NALCN: variants seen among roughly 807,000 people sequenced by gnomAD.
The protein encoded by NALCN is sodium leak channel, non-selective, also known as sodium leak channel NALCN.
A neutral mutation model predicts 225.3 loss-of-function variants in NALCN; 111 were observed. The observed-to-expected ratio is 0.49, with a 90% CI of 0.42 to 0.58. The LOEUF is 0.58. Among genes scored for constraint, NALCN ranks in the 20% least tolerant of loss-of-function variants. The pLI is 0.00. For synonymous variants in NALCN, 764 were observed against 769.0 expected (o/e 0.99, Z 0.11); for missense variants, 1,378 against 2,202.4 (o/e 0.63, Z 7.49).
At chr13:101,206,680 T>C (rs1234169131) in intron 13 of NALCN, among the ~76,000 whole-genome samples, 1 of 151,250 alleles carries the variant, frequency 6.6e-6, no homozygotes, top group Non-Finnish European at 1.5e-5. Context: ...AATCTCAAAA[T>C]ACCAAAATAT....
intron 10 of NALCN, among the ~76,000 whole-genome samples, chr13:101,269,897 G>A (rs375215228): frequency 1.8e-4 from 27 of 152,146 alleles, no homozygotes; most frequent in Admixed American, 8.5e-4. Context: ...GCTTTTCAAC[G>A]GTGAAGTGTT....
At chr13:101,409,046 A>T (rs1201527331) in intron 1 of NALCN, among the ~76,000 whole-genome samples, 1 of 152,134 alleles carries the variant, frequency 6.6e-6, no homozygotes, top group Non-Finnish European at 1.5e-5. Context: ...TTACTTCTCC[A>T]AGGATTCTGT....
At chr13:101,270,235 T>G (rs2042731767) in intron 10 of NALCN, among the ~76,000 whole-genome samples, 1 of 152,236 alleles carries the variant, frequency 6.6e-6, no homozygotes, top group Admixed American at 6.5e-5. Context: ...ATCTTTGTCT[T>G]CATGGGTAAG....
chr13:101,250,278 T>G (rs1367883511), intron 11 of NALCN, among the ~76,000 whole-genome samples: 2 of 152,044 alleles, frequency 1.3e-5, no homozygotes, highest in Non-Finnish European at 2.9e-5. Flanking sequence ...AATTAAATTT[T>G]CATAATGTAG....
chr13:101,309,326 A>C (rs1301134203), intron 7 of NALCN, among the ~76,000 whole-genome samples: 2 of 152,244 alleles, frequency 1.3e-5, no homozygotes, highest in Non-Finnish European at 2.9e-5. Context: ...TATTCTAGGC[A>C]AACAAATATG....
chr13:101,239,112 T>C (rs896003388), intron 11 of NALCN, among the ~76,000 whole-genome samples: 1 of 151,992 alleles, frequency 6.6e-6, no homozygotes, highest in African/African-American at 2.4e-5. Flanking sequence ...TCTCAGGTAT[T>C]TCATGTTAAT....
At chr13:101,320,768 G>A (rs189837544) in intron 7 of NALCN, among the ~76,000 whole-genome samples, 12 of 152,058 alleles carry the variant, frequency 7.9e-5, no homozygotes, top group South Asian at 2.1e-4. Context: ...CAATGAACTC[G>A]CCTATTATTT....
intron 10 of NALCN, among the ~76,000 whole-genome samples, chr13:101,274,527 AAC>A (rs1340036719): frequency 6.6e-6 from 1 of 152,340 alleles, no homozygotes; most frequent in East Asian, 1.9e-4. Context: ...TACCTAATAA[AAC>A]ACACAGTGAG....
At chr13:101,186,858 C>T (rs932581217) in intron 14 of NALCN, among the ~76,000 whole-genome samples, 1 of 151,940 alleles carries the variant, frequency 6.6e-6, no homozygotes, top group African/African-American at 2.4e-5. Flanking sequence ...AGGTGAAAAG[C>T]AAAAATTGTA....
chr13:101,376,001 T>C (rs1439159252), intron 6 of NALCN, among the ~76,000 whole-genome samples: 3 of 152,082 alleles, frequency 2.0e-5, no homozygotes, highest in Admixed American at 6.5e-5. Context: ...TAATACATAA[T>C]AGGTAATTAA....
chr13:101,091,302 T>C (rs1365803881), intron 28 of NALCN, among the ~76,000 whole-genome samples: 2 of 152,158 alleles, frequency 1.3e-5, no homozygotes, highest in African/African-American at 4.8e-5. Flanking sequence ...AGCTCATTTC[T>C]CAAAATTTAA....
chr13:101,416,887 G>T (rs1237319202), upstream of NALCN, among the ~76,000 whole-genome samples: 2 of 152,136 alleles, frequency 1.3e-5, no homozygotes, highest in African/African-American at 4.8e-5. Flanking sequence ...CGAGCGTGAG[G>T]TCAGACTGTG....
chr13:101,260,357 T>C (rs1214695838), intron 10 of NALCN, among the ~76,000 whole-genome samples: 2 of 152,230 alleles, frequency 1.3e-5, no homozygotes, highest in Admixed American at 6.5e-5. Flanking sequence ...CTCTTAGATA[T>C]ACTTATTTCC....
intron 6 of NALCN, among the ~76,000 whole-genome samples, chr13:101,373,491 T>C (rs2046599804): frequency 1.3e-5 from 2 of 152,200 alleles, no homozygotes; most frequent in South Asian, 2.1e-4. Flanking sequence ...AAATGCAAGA[T>C]TGGTTTCTAT....
chr13:101,106,387 T>C (rs2035101490), intron 22 of NALCN, among the ~76,000 whole-genome samples: 2 of 152,280 alleles, frequency 1.3e-5, no homozygotes, highest in Admixed American at 1.3e-4. Context: ...ATGCTACTAA[T>C]TAATAACAAA....
At chr13:101,301,045 A>T (rs1187057945) in intron 7 of NALCN, among the ~76,000 whole-genome samples, 1 of 152,258 alleles carries the variant, frequency 6.6e-6, no homozygotes, top group Admixed American at 6.5e-5. Context: ...ATAAAGAATC[A>T]TAGTTGAAAT....
At chr13:101,215,956 A>T (rs551803170) in intron 13 of NALCN, among the ~76,000 whole-genome samples, 91 of 152,228 alleles carry the variant, frequency 6.0e-4, no homozygotes, top group African/African-American at 2.1e-3. Context: ...TTAAATGCTT[A>T]GCAACCTATT....
chr13:101,274,966 A>T (rs1376599658), intron 10 of NALCN, among the ~76,000 whole-genome samples: 1 of 152,052 alleles, frequency 6.6e-6, no homozygotes, highest in Non-Finnish European at 1.5e-5. Context: ...TCCAGCAGAG[A>T]TGGGGCAAGG....
intron 27 of NALCN, 92 bp from the exon 28 acceptor site, chr13:101,095,772 A>T: frequency 1.8e-6 from 2 of 1,087,586 alleles, no homozygotes; most frequent in Admixed American, 4.8e-5. Context: ...TCTTTCACGG[A>T]ATCCCAAAAG....
Sources: allele counts gnomAD v4.1 joint callset (sites outside exome capture counted in the v4.1 genomes callset), GRCh38; gene constraint gnomAD v4.1.1; transcripts MANE v1.5; gene names NCBI Gene and HGNC (gene_info 2026-07-23, HGNC 2026-07-21).